UNC79: variants seen among roughly 807,000 people sequenced by gnomAD.
The protein encoded by UNC79 is protein unc-79 homolog.
In UNC79, 37 loss-of-function variants were observed where a neutral mutation model predicts 283.1. The observed-to-expected ratio is 0.13, with a 90% CI of 0.10 to 0.17. The LOEUF is 0.17. Ranked by LOEUF, UNC79 falls within the 10% of genes least tolerant of loss-of-function variation. The probability of loss-of-function intolerance (pLI) is 1.00; values close to 1 mark genes in which losing one functional copy is unlikely to be tolerated. For synonymous variants in UNC79, 1,107 were observed against 1,200.2 expected, an observed-to-expected ratio of 0.92 and a Z score of 1.61; for missense variants, 2,272 against 3,211.1, an observed-to-expected ratio of 0.71 and a Z score of 7.07.
intron 38 of UNC79, among the ~76,000 whole-genome samples, chr14:93,658,593 A>G (rs993589490): frequency 2.6e-5 from 4 of 152,208 alleles, no homozygotes; most frequent in Non-Finnish European, 5.9e-5. Flanking sequence ...AATCTTGTCA[A>G]TATAGAACTT....
intron 40 of UNC79, among the ~76,000 whole-genome samples, chr14:93,666,367 T>C (rs1386901410): frequency 6.6e-6 from 1 of 152,120 alleles, no homozygotes; most frequent in Non-Finnish European, 1.5e-5. Flanking sequence ...AGATTGACTT[T>C]TAAAAATTAA....
Position 93,621,854 on chromosome 14 carries a change from A to G in UNC79, c.4621A>G (p.Arg1541Gly), listed in dbSNP as rs2067164032. The G allele has an allele frequency of 1.2e-6, 2 of 1,614,062 alleles. No homozygotes were observed. Among genetic ancestry groups the G allele is most frequent in the Non-Finnish European group, 1.7e-6 (2 of 1,179,994 alleles). ...GACCCAAGCTGCGTATATCGCACAA[A>G]GACCAAACGACCCTGGACGTTCTAG... The change falls in exon 30 of 49, where the codon AGA becomes GGA. Residue 1541 changes from arginine to glycine, a missense_variant. Physicochemically the swap from Arg to Gly is moderately radical, Grantham distance 125. Around this residue, in one of 11 missense-constraint regions of UNC79, gnomAD observed 580 missense variants for 632.2 expected, o/e 0.92. Coordinates refer to ENST00000555664, the Ensembl canonical transcript of UNC79. The surrounding 1 kb of genome is among the most constrained non-coding windows in gnomAD (Gnocchi z 4.8).
intron 1 of UNC79, among the ~76,000 whole-genome samples, chr14:93,424,123 T>C (rs2055671114): frequency 6.6e-6 from 1 of 152,222 alleles, no homozygotes; most frequent in African/African-American, 2.4e-5. Context: ...TTGCTCTACA[T>C]CATTGATCAT....
intron 14 of UNC79, among the ~76,000 whole-genome samples, chr14:93,567,323 T>C (rs911928608): frequency 2.6e-5 from 4 of 152,310 alleles, no homozygotes; most frequent in African/African-American, 9.6e-5. Context: ...CCTCCCAGGT[T>C]CAAGCGATTC....
At chr14:93,395,289 A>C (rs2054971197) in intron 1 of UNC79, among the ~76,000 whole-genome samples, 1 of 152,156 alleles carries the variant, frequency 6.6e-6, no homozygotes, top group African/African-American at 2.4e-5. Flanking sequence ...TTGTTCTCAG[A>C]CTGCTATAAA....
chr14:93,583,227 A>C (rs1320465391), intron 20 of UNC79, among the ~76,000 whole-genome samples: 1 of 152,042 alleles, frequency 6.6e-6, no homozygotes, highest in South Asian at 2.1e-4. Context: ...AGATTGAGGC[A>C]GGAGAATCGC....
At chr14:93,535,754 A>G (rs2061039899) in intron 11 of UNC79, among the ~76,000 whole-genome samples, 1 of 152,128 alleles carries the variant, frequency 6.6e-6, no homozygotes, top group South Asian at 2.1e-4. Context: ...GAGATCTGGG[A>G]GGAGTATCTA....
rs948470556 is a variant in UNC79, at chr14:93,537,896, T to G, written c.1123-93T>G. 5.6e-6 allele frequency: 7 copies of G among 1,251,992 alleles called. No homozygotes were observed. The African/African-American group carries it at 7.5e-5, about 13-fold the overall frequency. 77.6% of individuals were successfully genotyped at this position (1,251,992 alleles called of 1,614,324 possible). On this transcript the variant is annotated intron_variant, in intron 11 of 48. Coordinates refer to ENST00000555664, the Ensembl canonical transcript of UNC79. ...AGTGGCCCTTGAATGTGTTGTCACT[T>G]CGAGTGGCCCCTTAAGTTTTCATTT... is the stretch of plus-strand genomic sequence containing the variant.
chr14:93,335,624 T>C (rs934213013), intron 1 of UNC79, among the ~76,000 whole-genome samples: 1 of 152,234 alleles, frequency 6.6e-6, no homozygotes, highest in African/African-American at 2.4e-5. Flanking sequence ...TCAGAGGAGA[T>C]GTTTCTTCTT....
chr14:93,452,265 G>A (rs2056665273), intron 1 of UNC79, among the ~76,000 whole-genome samples: 1 of 152,010 alleles, frequency 6.6e-6, no homozygotes, highest in Admixed American at 6.6e-5. Flanking sequence ...CATGACATCA[G>A]GGACTGTGGC....
At chr14:93,574,906 A>AT in intron 16 of UNC79, 152 bp from the exon 17 acceptor site, 3 of 832,492 alleles carry the variant, frequency 3.6e-6, no homozygotes, top group Non-Finnish European at 5.3e-6. Context: ...CTTAGTATGA[A>AT]AATTGGAGGA....
chr14:93,702,158 AT>A (rs1255835377), intron 47 of UNC79, among the ~76,000 whole-genome samples: 6 of 152,030 alleles, frequency 3.9e-5, no homozygotes, highest in South Asian at 2.1e-4. Context: ...GACTAGATAA[AT>A]TTTTTTTTTC....
At chr14:93,386,297 A>G (rs539403000) in intron 1 of UNC79, among the ~76,000 whole-genome samples, 2 of 152,256 alleles carry the variant, frequency 1.3e-5, no homozygotes, top group South Asian at 2.1e-4. Flanking sequence ...ATGCTGAACC[A>G]TGGTTGCATC....
chr14:93,580,052 A>T, intron 18 of UNC79, 97 bp from the exon 19 acceptor site: 1 of 1,028,500 alleles, frequency 9.7e-7, no homozygotes, highest in Non-Finnish European at 1.4e-6. Flanking sequence ...ATCCCCAAGT[A>T]GTGTGCCAAT....
chr14:93,573,772 A>G (rs1278718544), intron 16 of UNC79, among the ~76,000 whole-genome samples: 1 of 152,204 alleles, frequency 6.6e-6, no homozygotes, highest in East Asian at 1.9e-4. Context: ...TTTGGGAGGC[A>G]AAGGTGGGCA....
intron 24 of UNC79, among the ~76,000 whole-genome samples, chr14:93,599,060 C>G (rs1033970008): frequency 1.3e-5 from 2 of 152,188 alleles, no homozygotes; most frequent in Non-Finnish European, 2.9e-5. Context: ...CTCCAAAGTT[C>G]TGATCTACTG....
rs928948617 is a variant in UNC79 at position 93,347,459 on chromosome 14, G to A, written c.-351+13936G>A. 127 of 1,385,086 alleles carry A rather than the reference G, an allele frequency of 9.2e-5. 1 individual carries two copies. The highest frequency in any genetic ancestry group is 1.1e-4 in the Non-Finnish European group (121 of 1,074,598). 85.8% of individuals were successfully genotyped at this position (1,385,086 alleles called of 1,614,324 possible). A position where few individuals can be genotyped will look rare whatever the true frequency, so the allele number is the denominator to read the frequency against. On this transcript the variant is annotated intron_variant, in intron 1 of 49. Coordinates refer to the UNC79 transcript ENST00000256339. ...GTGGCCCTGGCGGGGCGCCCCGACG[G>A]GTGGGGAGAAGGGAGGACACGGCGT...
chr14:93,478,088 G>A (rs961872445), intron 4 of UNC79, among the ~76,000 whole-genome samples: 2 of 152,176 alleles, frequency 1.3e-5, no homozygotes, highest in Non-Finnish European at 2.9e-5. Flanking sequence ...TGGCTTTGAA[G>A]GCAGTAGGAT....
intron 1 of UNC79, among the ~76,000 whole-genome samples, chr14:93,438,844 CTCTT>C (rs1466117198): frequency 6.6e-6 from 1 of 151,988 alleles, no homozygotes; most frequent in Non-Finnish European, 1.5e-5. Flanking sequence ...TTGAATCTTA[CTCTT>C]TCTAAGAACA....
Sources: gnomAD v4.1 joint callset for allele counts (sites outside exome capture counted in the v4.1 genomes callset) on GRCh38, gnomAD v4.1.1 for gene constraint, gnomAD v4.1.1 regional missense constraint, Gnocchi (gnomAD v3.1) non-coding constraint, MANE v1.5 for transcripts, NCBI Gene and HGNC (gene_info 2026-07-23, HGNC 2026-07-21) for gene names.